CADM1: variants seen among roughly 807,000 people sequenced by gnomAD.
The protein encoded by CADM1 is TSLC-1.
A neutral mutation model predicts 53.1 loss-of-function variants in CADM1; 15 were observed. The ratio of observed to expected loss-of-function variants is 0.28; its 90% CI spans 0.19 to 0.44. The LOEUF is 0.44. Among genes scored for constraint, CADM1 ranks in the 20% least tolerant of loss-of-function variants. The pLI, the probability that CADM1 is intolerant of heterozygous loss-of-function variation, is 1.00. For missense variants in CADM1, 434 were observed against 611.3 expected, an observed-to-expected ratio of 0.71 and a Z score of 3.06; for synonymous variants, 281 against 243.0, an observed-to-expected ratio of 1.16 and a Z score of -1.45.
intron 1 of CADM1, among the ~76,000 whole-genome samples, chr11:115,481,248 T>C (rs893852240): frequency 3.9e-5 from 6 of 152,170 alleles, no homozygotes; most frequent in African/African-American, 1.4e-4. Context: ...TGCACTAAAA[T>C]TGTAAGGTAG....
At chr11:115,457,346 A>C (rs1948702843) in intron 1 of CADM1, among the ~76,000 whole-genome samples, 1 of 152,234 alleles carries the variant, frequency 6.6e-6, no homozygotes, top group Admixed American at 6.5e-5. Flanking sequence ...ATACATAAAA[A>C]GACATTACTC....
At chr11:115,482,849 A>C (rs937792998) in intron 1 of CADM1, among the ~76,000 whole-genome samples, 41 of 152,224 alleles carry the variant, frequency 2.7e-4, no homozygotes, top group African/African-American at 9.9e-4. Flanking sequence ...TACACATGAA[A>C]ATTTTGTTTT....
intron 10 of CADM1, among the ~76,000 whole-genome samples, chr11:115,187,559 C>G (rs949712166): frequency 1.3e-5 from 2 of 152,148 alleles, no homozygotes; most frequent in East Asian, 3.9e-4. Context: ...CCTGCTCCCC[C>G]GCCCCCAAGT....
chr11:115,378,463 A>G (rs1946493784), intron 1 of CADM1, among the ~76,000 whole-genome samples: 1 of 152,146 alleles, frequency 6.6e-6, no homozygotes, highest in Admixed American at 6.5e-5. Context: ...CACTATGGAA[A>G]ACTGCACGGA....
At chr11:115,186,239 C>A (rs565292514) in intron 10 of CADM1, among the ~76,000 whole-genome samples, 1 of 152,176 alleles carries the variant, frequency 6.6e-6, no homozygotes. Context: ...CTTAGGGTCA[C>A]CTCCCAGGGG....
intron 1 of CADM1, among the ~76,000 whole-genome samples, chr11:115,494,915 A>C: frequency 6.6e-6 from 1 of 152,282 alleles, no homozygotes; most frequent in East Asian, 1.9e-4. Flanking sequence ...CCACTTGCCA[A>C]CCTGGCCCAG....
chr11:115,315,792 C>T (rs1440703810), intron 1 of CADM1, among the ~76,000 whole-genome samples: 1 of 152,104 alleles, frequency 6.6e-6, no homozygotes, highest in Non-Finnish European at 1.5e-5. Flanking sequence ...GTTTCTCAGT[C>T]CCACTACCTG....
intron 1 of CADM1, among the ~76,000 whole-genome samples, chr11:115,357,542 G>A (rs1377564984): frequency 2.6e-5 from 4 of 152,070 alleles, no homozygotes; most frequent in Non-Finnish European, 5.9e-5. Flanking sequence ...CCTTGATTTC[G>A]GTGTTGTCCA....
At chr11:115,502,024 T>C (rs1017410010) in intron 1 of CADM1, among the ~76,000 whole-genome samples, 1 of 152,162 alleles carries the variant, frequency 6.6e-6, no homozygotes, top group Non-Finnish European at 1.5e-5. Context: ...CAAACAGGGA[T>C]GTACACAAGA....
intron 1 of CADM1, among the ~76,000 whole-genome samples, chr11:115,484,750 A>C (rs577171335): frequency 6.6e-6 from 1 of 151,946 alleles, no homozygotes; most frequent in African/African-American, 2.4e-5. Flanking sequence ...GATTGAGACC[A>C]TCCTGGCTAA....
intron 2 of CADM1, 63 bp downstream of exon 2, chr11:115,240,211 C>G: frequency 6.5e-7 from 1 of 1,543,688 alleles, no homozygotes. Flanking sequence ...TTAGCAATCT[C>G]TTTATCAAGA....
chr11:115,214,834 A>G, intron 6 of CADM1, 54 bp from the exon 7 acceptor site: 2 of 1,541,026 alleles, frequency 1.3e-6, no homozygotes, highest in Non-Finnish European at 9.0e-7. Flanking sequence ...CATTGCATCA[A>G]ACTGCTCACC....
At chr11:115,243,732 C>T (rs953331876) in intron 1 of CADM1, among the ~76,000 whole-genome samples, 1 of 152,166 alleles carries the variant, frequency 6.6e-6, no homozygotes, top group African/African-American at 2.4e-5. Context: ...TAGGTAGCTA[C>T]AAAACACAAT....
intron 1 of CADM1, among the ~76,000 whole-genome samples, chr11:115,481,105 C>T (rs1949248968): frequency 6.6e-6 from 1 of 152,140 alleles, no homozygotes; most frequent in African/African-American, 2.4e-5. Flanking sequence ...TCTACACCTC[C>T]TTATTTCCAG....
chr11:115,337,802 C>T (rs919112979), intron 1 of CADM1, among the ~76,000 whole-genome samples: 2 of 152,010 alleles, frequency 1.3e-5, no homozygotes, highest in Non-Finnish European at 2.9e-5. Context: ...ATTAAAAATC[C>T]ATTTCTCAGG....
intron 5 of CADM1, among the ~76,000 whole-genome samples, chr11:115,222,147 A>T (rs1290432577): frequency 1.3e-5 from 2 of 152,222 alleles, no homozygotes; most frequent in Non-Finnish European, 2.9e-5. Flanking sequence ...ACTCAAGGGC[A>T]GCATGAGCAC....
intron 1 of CADM1, among the ~76,000 whole-genome samples, chr11:115,255,159 G>A (rs1452879943): frequency 6.6e-6 from 1 of 152,148 alleles, no homozygotes; most frequent in Admixed American, 6.5e-5. Flanking sequence ...CCCTTTTAAA[G>A]GAAGAAATGA....
At chr11:115,448,065 T>C (rs1330624141) in intron 1 of CADM1, among the ~76,000 whole-genome samples, 1 of 152,152 alleles carries the variant, frequency 6.6e-6, no homozygotes, top group Non-Finnish European at 1.5e-5. Flanking sequence ...TTCAAATTAC[T>C]GTGTGGTTCC....
intron 1 of CADM1, among the ~76,000 whole-genome samples, chr11:115,389,057 G>T (rs556322380): frequency 1.3e-5 from 2 of 152,058 alleles, no homozygotes; most frequent in African/African-American, 4.8e-5. Flanking sequence ...AAAAGACATG[G>T]TGGATGCAAC....
Sources: gnomAD v4.1 joint callset for allele counts (sites outside exome capture counted in the v4.1 genomes callset) on GRCh38, gnomAD v4.1.1 for gene constraint, MANE v1.5 for transcripts, NCBI Gene and HGNC (gene_info 2026-07-23, HGNC 2026-07-21) for gene names.